FMN2: variants seen among roughly 807,000 people sequenced by gnomAD.
The protein encoded by FMN2 is formin 2.
A neutral mutation model predicts 142.3 loss-of-function variants in FMN2; 51 were observed. The observed-to-expected ratio is 0.36, with a 90% CI of 0.29 to 0.45. The LOEUF (loss-of-function observed/expected upper bound fraction) is 0.45, where lower values mean the gene tolerates loss of function less well. FMN2 is among the 20% of genes least tolerant of loss of function. The pLI is 1.00. For missense variants in FMN2, 1,936 were observed against 2,122.8 expected, an observed-to-expected ratio of 0.91 and a Z score of 1.73; for synonymous variants, 882 against 869.8, an observed-to-expected ratio of 1.01 and a Z score of -0.25.
At chr1:240,421,436 A>G (rs372571962) in intron 15 of FMN2, among the ~76,000 whole-genome samples, 3 of 152,276 alleles carry the variant, frequency 2.0e-5, no homozygotes, top group South Asian at 2.1e-4. Context: ...TTGTTGACCA[A>G]TAATTTAGGT....
intron 6 of FMN2, among the ~76,000 whole-genome samples, chr1:240,232,150 A>G (rs943403538): frequency 2.0e-5 from 3 of 151,100 alleles, no homozygotes; most frequent in Non-Finnish European, 2.9e-5. Context: ...GCTCACTGCA[A>G]CCTCCGCCTC....
intron 6 of FMN2, among the ~76,000 whole-genome samples, chr1:240,236,262 C>G (rs1386720024): frequency 6.6e-6 from 1 of 152,102 alleles, no homozygotes; most frequent in Non-Finnish European, 1.5e-5. Context: ...TTTCTCATCT[C>G]CCTAGCACCA....
At chr1:240,109,328 G>A (rs188438004) in intron 1 of FMN2, among the ~76,000 whole-genome samples, 480 of 152,270 alleles carry the variant, frequency 3.2e-3, no homozygotes, top group Admixed American at 6.1e-3. Context: ...ATACTGAAGT[G>A]GATTGTCACT....
chr1:240,096,371 G>T (rs1017347377), intron 1 of FMN2, among the ~76,000 whole-genome samples: 1 of 152,154 alleles, frequency 6.6e-6, no homozygotes, highest in African/African-American at 2.4e-5. Flanking sequence ...AAGGGTGATT[G>T]TTGGCCAGAG....
chr1:240,385,702 C>T (rs1320533241), intron 14 of FMN2, among the ~76,000 whole-genome samples: 1 of 152,144 alleles, frequency 6.6e-6, no homozygotes, highest in African/African-American at 2.4e-5. Flanking sequence ...AGGACCACTT[C>T]AATACGTACA....
At chr1:240,378,529 G>T (rs1673122423) in intron 14 of FMN2, among the ~76,000 whole-genome samples, 1 of 152,070 alleles carries the variant, frequency 6.6e-6, no homozygotes, top group South Asian at 2.1e-4. Context: ...GAAAACTTTT[G>T]AACCTTATCC....
intron 7 of FMN2, among the ~76,000 whole-genome samples, chr1:240,268,327 A>G (rs1455288616): frequency 6.6e-6 from 1 of 152,024 alleles, no homozygotes; most frequent in East Asian, 1.9e-4. Context: ...CCCATTTCTG[A>G]TTTTTGAGTA....
At chr1:240,466,960 TC>T (rs1171563430) in intron 16 of FMN2, among the ~76,000 whole-genome samples, 5 of 152,242 alleles carry the variant, frequency 3.3e-5, no homozygotes, top group South Asian at 2.1e-4. Flanking sequence ...GTCCTACTGC[TC>T]TCATTAATTA....
chr1:240,323,099 C>T (rs1379811226), intron 8 of FMN2, among the ~76,000 whole-genome samples: 1 of 150,790 alleles, frequency 6.6e-6, no homozygotes, highest in African/African-American at 2.4e-5. Context: ...CTCTTCAGAC[C>T]TTTTTCTTTT....
At chr1:240,380,431 A>G (rs866204237) in intron 14 of FMN2, among the ~76,000 whole-genome samples, 3 of 152,138 alleles carry the variant, frequency 2.0e-5, no homozygotes, top group Non-Finnish European at 4.4e-5. Context: ...GGTTTTTTGA[A>G]ATGAATGAAA....
chr1:240,186,366 A>C (rs568857894), intron 3 of FMN2, among the ~76,000 whole-genome samples: 2 of 152,208 alleles, frequency 1.3e-5, no homozygotes, highest in Non-Finnish European at 2.9e-5. Flanking sequence ...ACCAGGCACT[A>C]TTTGGATGTG....
At chr1:240,253,136 T>C (rs1668339680) in intron 6 of FMN2, among the ~76,000 whole-genome samples, 1 of 151,490 alleles carries the variant, frequency 6.6e-6, no homozygotes, top group East Asian at 1.9e-4. Flanking sequence ...TATTTTATTT[T>C]ATTTTACTTT....
intron 1 of FMN2, among the ~76,000 whole-genome samples, chr1:240,109,640 C>G (rs1169711343): frequency 1.3e-5 from 2 of 152,070 alleles, no homozygotes; most frequent in African/African-American, 2.4e-5. Context: ...GTTGGCTGTT[C>G]TCTGTGGTGA....
intron 15 of FMN2, among the ~76,000 whole-genome samples, chr1:240,431,402 T>TTATATATATATACA (rs1675166951): frequency 7.9e-5 from 11 of 139,192 alleles, no homozygotes; most frequent in African/African-American, 3.0e-4. Context: ...CAACCATGTT[T>TTATATATATATACA]TATATATATA....
chr1:240,330,756 A>C lies in FMN2; in HGVS notation c.4584+7A>C. 6.2e-7 allele frequency: 1 copy of C among 1,613,272 alleles called. No individual in the cohort carries two copies. The highest frequency in any genetic ancestry group is 8.5e-7 in the Non-Finnish European group (1 of 1,179,652). ...GAAAGATGTCAAGAGCAGTGTAAGT[A>C]TTTTGCATGAGTGGACGTAAGCACA... On this transcript the variant is annotated splice_region_variant and intron_variant, in intron 11 of 17. Transcript: ENST00000319653.
intron 2 of FMN2, among the ~76,000 whole-genome samples, chr1:240,142,445 G>T (rs986507255): frequency 7.4e-6 from 1 of 134,926 alleles, no homozygotes; most frequent in Non-Finnish European, 1.6e-5. Context: ...ATGGTCCCAG[G>T]GTCATAGGAC....
chr1:240,254,710 G>C (rs1224928669), intron 6 of FMN2, among the ~76,000 whole-genome samples: 3 of 152,100 alleles, frequency 2.0e-5, no homozygotes, highest in Non-Finnish European at 4.4e-5. Flanking sequence ...TGCAAGAGGG[G>C]TGCCCCATCC....
intron 6 of FMN2, among the ~76,000 whole-genome samples, chr1:240,242,856 C>A (rs1480220411): frequency 6.6e-6 from 1 of 152,176 alleles, no homozygotes; most frequent in Non-Finnish European, 1.5e-5. Flanking sequence ...TCAAATGTCA[C>A]CTCACCAATT....
intron 15 of FMN2, among the ~76,000 whole-genome samples, chr1:240,398,513 G>A (rs1008432527): frequency 6.6e-6 from 1 of 152,118 alleles, no homozygotes; most frequent in African/African-American, 2.4e-5. Flanking sequence ...GTTAGTAAAA[G>A]AGCCATCTTT....
Sources: allele counts gnomAD v4.1 joint callset (sites outside exome capture counted in the v4.1 genomes callset), GRCh38; gene constraint gnomAD v4.1.1; transcripts MANE v1.5; gene names NCBI Gene and HGNC (gene_info 2026-07-23, HGNC 2026-07-21).